XRCC4: variants seen among roughly 807,000 people sequenced by gnomAD.
XRCC4 encodes DNA repair protein XRCC4.
Under a neutral mutation model 39.1 loss-of-function variants are expected in XRCC4, and 28 were observed. The ratio of observed to expected loss-of-function variants is 0.72; its 90% CI spans 0.53 to 0.98. The LOEUF is 0.98. XRCC4 is among the 50% of genes least tolerant of loss of function. The probability of loss-of-function intolerance (pLI) is 0.00; values close to 1 mark genes in which losing one functional copy is unlikely to be tolerated. For synonymous variants in XRCC4, 123 were observed against 126.4 expected (o/e 0.97, Z 0.18); for missense variants, 350 against 376.4 (o/e 0.93, Z 0.58).
chr5:83,120,115 A>G (rs774883765), intron 3 of XRCC4, among the ~76,000 whole-genome samples: 13 of 152,154 alleles, frequency 8.5e-5, no homozygotes, highest in Non-Finnish European at 1.6e-4. Context: ...ATTTAACAAT[A>G]TTAATATTTG....
intron 6 of XRCC4, among the ~76,000 whole-genome samples, chr5:83,229,360 T>C (rs896076381): frequency 8.6e-5 from 13 of 151,954 alleles, no homozygotes; most frequent in African/African-American, 2.4e-4. Flanking sequence ...GAACTCTTTC[T>C]TTAATATATC....
rs779549624 is a variant in XRCC4 at position 83,086,594 on chromosome 5, C to CTGGCAGAGG, written c.-11+8999_-11+9007dup. The stretch of plus-strand genomic sequence containing the variant: ...AAGGATTGATCTTGCTGTCTCTGGG[C>CTGGCAGAGG]TGGCAGAGGTGGCAGAGGTGGCAGA... On this transcript the variant is annotated intron_variant, in intron 1 of 7. Coordinates refer to ENST00000396027, the MANE Select transcript of XRCC4 (RefSeq NM_003401.5). 2.0e-3 allele frequency among the ~76,000 whole-genome samples: 301 copies of CTGGCAGAGG among 152,138 alleles called. 1 individual carries two copies. Among genetic ancestry groups the CTGGCAGAGG allele is most frequent in the Non-Finnish European group, 3.6e-3 (243 of 67,992 alleles).
intron 6 of XRCC4, among the ~76,000 whole-genome samples, chr5:83,213,129 A>G (rs896876836): frequency 1.3e-5 from 2 of 152,072 alleles, no homozygotes; most frequent in Non-Finnish European, 2.9e-5. Flanking sequence ...AAAAGAAATC[A>G]TAACCAATAG....
At chr5:83,130,211 A>G (rs1280066866) in intron 3 of XRCC4, among the ~76,000 whole-genome samples, 1 of 152,084 alleles carries the variant, frequency 6.6e-6, no homozygotes, top group African/African-American at 2.4e-5. Context: ...CCTTTTCTGC[A>G]TCTATTGAGA....
chr5:83,359,691 T>C, the XRCC4 span, among the ~76,000 whole-genome samples: 1 of 152,170 alleles, frequency 6.6e-6, no homozygotes, highest in Non-Finnish European at 1.5e-5. Flanking sequence ...GGAAACAGAA[T>C]ACATTCTCCA....
chr5:83,220,191 G>A (rs530304459), intron 6 of XRCC4, among the ~76,000 whole-genome samples: 17 of 152,188 alleles, frequency 1.1e-4, no homozygotes, highest in East Asian at 3.9e-4. Flanking sequence ...TTAAGAATGC[G>A]TGGATCATTT....
chr5:83,128,941 C>T (rs998333005), intron 3 of XRCC4, among the ~76,000 whole-genome samples: 6 of 151,956 alleles, frequency 3.9e-5, no homozygotes, highest in East Asian at 1.9e-4. Context: ...CTCACTCTGA[C>T]GATAGTTTCT....
At chr5:83,264,564 C>T (rs1232552237) in intron 7 of XRCC4, among the ~76,000 whole-genome samples, 1 of 151,912 alleles carries the variant, frequency 6.6e-6, no homozygotes, top group East Asian at 1.9e-4. Context: ...CCAGAAAAAT[C>T]AGAAAACCCA....
At chr5:83,178,600 A>G (rs1447223178) in intron 3 of XRCC4, among the ~76,000 whole-genome samples, 1 of 152,206 alleles carries the variant, frequency 6.6e-6, no homozygotes, top group East Asian at 1.9e-4. Flanking sequence ...CACTGATGGC[A>G]TTGGTAGAGA....
At chr5:83,202,865 T>C (rs978796618) in intron 4 of XRCC4, among the ~76,000 whole-genome samples, 1 of 152,210 alleles carries the variant, frequency 6.6e-6, no homozygotes, top group Admixed American at 6.5e-5. Flanking sequence ...TGTTAGCTCA[T>C]TTGAGCAGTA....
At chr5:83,090,814 A>G (rs1167516443) in intron 1 of XRCC4, among the ~76,000 whole-genome samples, 1 of 152,220 alleles carries the variant, frequency 6.6e-6, no homozygotes, top group Admixed American at 6.5e-5. Context: ...TGCGAGGAGC[A>G]GGGGACAAAG....
the XRCC4 span, among the ~76,000 whole-genome samples, chr5:83,374,425 G>A: frequency 1.3e-5 from 2 of 152,072 alleles, no homozygotes; most frequent in East Asian, 3.9e-4. Context: ...AGGCCTCCTC[G>A]GCCACATGGA....
intron 7 of XRCC4, among the ~76,000 whole-genome samples, chr5:83,276,185 C>CT (rs1754324377): frequency 6.6e-6 from 1 of 152,172 alleles, no homozygotes; most frequent in South Asian, 2.1e-4. Flanking sequence ...GCCAAATCAT[C>CT]TAACACAGAG....
chr5:83,146,260 C>T (rs775730519), intron 3 of XRCC4, among the ~76,000 whole-genome samples: 2 of 152,124 alleles, frequency 1.3e-5, no homozygotes, highest in Non-Finnish European at 2.9e-5. Flanking sequence ...GAAAAAGTAT[C>T]TAATGGTGAG....
At chr5:83,138,267 A>C (rs1037238801) in intron 3 of XRCC4, among the ~76,000 whole-genome samples, 3 of 152,188 alleles carry the variant, frequency 2.0e-5, no homozygotes, top group African/African-American at 7.2e-5. Flanking sequence ...TACAAGCCAT[A>C]CTGCTTGAAG....
chr5:83,182,523 C>T (rs1297147879), intron 3 of XRCC4, among the ~76,000 whole-genome samples: 1 of 152,200 alleles, frequency 6.6e-6, no homozygotes, highest in Non-Finnish European at 1.5e-5. Flanking sequence ...ATGAGGTAAT[C>T]TATACAAATC....
chr5:83,225,235 A>C (rs1752242448), intron 6 of XRCC4, among the ~76,000 whole-genome samples: 1 of 151,996 alleles, frequency 6.6e-6, no homozygotes, highest in Non-Finnish European at 1.5e-5. Context: ...GTACCTGGAG[A>C]CCAATGTAAT....
chr5:83,296,675 T>C (rs865927494), intron 7 of XRCC4, among the ~76,000 whole-genome samples: 30 of 151,846 alleles, frequency 2.0e-4, no homozygotes, highest in African/African-American at 6.5e-4. Flanking sequence ...TAAAAAACAA[T>C]TAAAGAAGAG....
intron 7 of XRCC4, among the ~76,000 whole-genome samples, chr5:83,273,391 A>G (rs1217316408): frequency 3.3e-5 from 5 of 152,154 alleles, no homozygotes; most frequent in Non-Finnish European, 7.3e-5. Context: ...CTCTGATGAT[A>G]GTTTCTTTTG....
Sources: allele counts gnomAD v4.1 joint callset (sites outside exome capture counted in the v4.1 genomes callset), GRCh38; gene constraint gnomAD v4.1.1; transcripts MANE v1.5; gene names NCBI Gene and HGNC (gene_info 2026-07-23, HGNC 2026-07-21).